Variants in MYOF observed in about 807,000 individuals in gnomAD.
The protein encoded by MYOF is myoferlin.
Under a neutral mutation model 284.2 loss-of-function variants are expected in MYOF, and 244 were observed. The observed-to-expected ratio is 0.86, with a 90% CI of 0.77 to 0.95. The LOEUF is 0.95. Ranked by LOEUF, MYOF falls within the 40% of genes least tolerant of loss-of-function variation. The pLI is 0.00. For missense variants in MYOF, 2,496 were observed against 2,560.6 expected, an observed-to-expected ratio of 0.97 and a Z score of 0.54; for synonymous variants, 904 against 919.7, an observed-to-expected ratio of 0.98 and a Z score of 0.31.
chr10:93,421,583 G>C (rs1848359806), intron 5 of MYOF, among the ~76,000 whole-genome samples: 1 of 152,172 alleles, frequency 6.6e-6, no homozygotes, highest in Non-Finnish European at 1.5e-5. Flanking sequence ...CTCCTGAAAG[G>C]CTTGGTGGCT....
Position 93,407,407 on chromosome 10 carries a change from AAC to A in MYOF, c.729+1378_729+1379del, listed in dbSNP as rs560428273. Among the ~76,000 whole-genome samples, 283 of 119,680 alleles carry A rather than the reference AAC, an allele frequency of 2.4e-3. 4 individuals are homozygous for A. Among genetic ancestry groups the A allele is most frequent in the Non-Finnish European group, 2.2e-3 (130 of 59,688 alleles). 78.5% of individuals were successfully genotyped at this position (119,680 alleles called of 152,430 possible). ...TGCACCACCACACTCCAGCCTTGGCAACAGAGACTCTGTCTCAAAAAAAAAAA... is the reference window on the plus strand; with the variant it reads ...TGCACCACCACACTCCAGCCTTGGCAAGAGACTCTGTCTCAAAAAAAAAAA... On this transcript the variant is annotated intron_variant, in intron 7 of 53. Coordinates refer to ENST00000359263, the MANE Select transcript of MYOF (RefSeq NM_013451.4).
At chr10:93,460,185 T>C (rs1430183919) in intron 1 of MYOF, among the ~76,000 whole-genome samples, 3 of 151,266 alleles carry the variant, frequency 2.0e-5, no homozygotes, top group African/African-American at 7.3e-5. Flanking sequence ...TCCAGGGAGG[T>C]CACAGAAAAA....
chr10:93,312,871 T>C (rs1414873397), intron 51 of MYOF, 149 bp downstream of exon 51: 5 of 803,358 alleles, frequency 6.2e-6, no homozygotes, highest in African/African-American at 1.7e-5. Flanking sequence ...AAGGCAAACA[T>C]ATCCCAAAGA....
intron 19 of MYOF, 86 bp from the exon 20 acceptor site, chr10:93,381,482 C>T (rs1343445542): frequency 3.0e-6 from 4 of 1,347,684 alleles, no homozygotes; most frequent in Non-Finnish European, 4.1e-6. Context: ...CAATTCTACA[C>T]CTAATAATTA....
At chr10:93,323,206 T>C (rs375919172) in intron 47 of MYOF, 33 bp from the exon 48 acceptor site, 14 of 1,613,786 alleles carry the variant, frequency 8.7e-6, no homozygotes, top group African/African-American at 4.0e-5. Flanking sequence ...GTACTTTTTT[T>C]TCTGGTCCTG....
intron 53 of MYOF, among the ~76,000 whole-genome samples, chr10:93,308,913 T>C (rs989913237): frequency 6.6e-6 from 1 of 152,198 alleles, no homozygotes; most frequent in African/African-American, 2.4e-5. Flanking sequence ...GGTTTCGCTA[T>C]GTTGGCCAGG....
chr10:93,355,532 A>G, intron 31 of MYOF, 96 bp downstream of exon 31: 1 of 938,670 alleles, frequency 1.1e-6, no homozygotes, highest in Non-Finnish European at 1.6e-6. Flanking sequence ...GCGAGCCAAG[A>G]TCGTACCACT....
At chr10:93,443,476 G>C (rs28590728) in intron 3 of MYOF, among the ~76,000 whole-genome samples, 1,314 of 56,408 alleles carry the variant, frequency 0.023, 14 homozygotes, top group African/African-American at 0.06. Context: ...CTCTCTCTGT[G>C]TGTGTGTGTG....
At chr10:93,369,110 C>CTGTTT (rs1491460008) in intron 25 of MYOF, among the ~76,000 whole-genome samples, 1 of 78,308 alleles carries the variant, frequency 1.3e-5, no homozygotes, top group Non-Finnish European at 2.1e-5. Flanking sequence ...ATTCAGACAG[C>CTGTTT]TTTTTTTTTT....
At chr10:93,334,045 A>G in intron 41 of MYOF, 132 bp from the exon 42 acceptor site, 1 of 802,672 alleles carries the variant, frequency 1.2e-6, no homozygotes, top group Non-Finnish European at 1.9e-6. Flanking sequence ...GAAATAATGT[A>G]TATTGCACTT....
rs998791991 is a variant in MYOF, at chr10:93,447,573, C to T, written c.236+4477G>A. On this transcript the variant is annotated intron_variant, in intron 3 of 53. Coordinates refer to ENST00000359263, the MANE Select transcript of MYOF (RefSeq NM_013451.4). ...GTAAAAATTGCTTCAGCTAAACTCC[C>T]CCCTTCCCTATTTAGACCACGGTAT... Among the ~76,000 whole-genome samples the T allele has an allele frequency of 2.3e-4, 35 of 152,106 alleles. 1 individual carries two copies. The highest frequency in any genetic ancestry group is 6.3e-4 in the African/African-American group (26 of 41,416).
chr10:93,398,231 C>T (rs891078923), intron 13 of MYOF, among the ~76,000 whole-genome samples: 4 of 152,100 alleles, frequency 2.6e-5, no homozygotes, highest in East Asian at 1.9e-4. Context: ...GCCCTTCCAT[C>T]GCCCTTCTCC....
rs1564619838 is a variant in MYOF, at chr10:93,325,978, G to A, written c.5132-13C>T. On this transcript the variant is annotated splice_polypyrimidine_tract_variant and intron_variant, in intron 45 of 53. Coordinates refer to ENST00000359263, the MANE Select transcript of MYOF (RefSeq NM_013451.4). ...ATTTTGTTGGCTTCTGCAATGGAAAGCAGCATTGAAGCAGGAATGAGTATT... is the reference window on the plus strand; with the variant it reads ...ATTTTGTTGGCTTCTGCAATGGAAAACAGCATTGAAGCAGGAATGAGTATT... 2 of 1,613,944 alleles carry A rather than the reference G, an allele frequency of 1.2e-6. No homozygotes were observed. The highest frequency in any genetic ancestry group is 1.3e-5 in the African/African-American group (1 of 75,030).
chr10:93,322,307 T>C (rs1842875874), intron 48 of MYOF, among the ~76,000 whole-genome samples: 1 of 152,352 alleles, frequency 6.6e-6, no homozygotes, highest in South Asian at 2.1e-4. Flanking sequence ...AACAATACTA[T>C]GTGCCAGGCA....
At chr10:93,312,901 A>T in intron 51 of MYOF, 119 bp downstream of exon 51, 2 of 1,084,294 alleles carry the variant, frequency 1.8e-6, no homozygotes, top group Non-Finnish European at 2.6e-6. Context: ...CCCATAACTT[A>T]AACTCCCACC....
intron 21 of MYOF, 152 bp downstream of exon 21, chr10:93,379,711 G>A: frequency 2.1e-6 from 2 of 969,626 alleles, no homozygotes; most frequent in Non-Finnish European, 2.9e-6. Context: ...ACTAACTTAG[G>A]ACCATCTACC....
At position 93,377,403 on chromosome 10, in the gene MYOF, T is replaced by C; in HGVS notation, c.2028A>G (p.Ser676=). ...RLQTNIEALK[S]GIQGKIPANQ... The stretch of plus-strand genomic sequence containing the variant: ...TTGCAGGAATTTTACCTTGTATCCC[T>C]GATTTTAGAGCTTCTATATTTGTTT... The change falls in exon 22 of 54, where the codon TCA becomes TCG. Residue 676 remains serine (S), a synonymous_variant. Coordinates refer to ENST00000359263, the MANE Select transcript of MYOF (RefSeq NM_013451.4). 2.5e-6 allele frequency: 4 copies of C among 1,613,850 alleles called. No homozygotes were observed. Among genetic ancestry groups the C allele is most frequent in the Non-Finnish European group, 3.4e-6 (4 of 1,179,792 alleles).
chr10:93,426,136 C>T lies in MYOF; in HGVS notation c.368G>A (p.Gly123Asp). 1.3e-6 allele frequency: 2 copies of T among 1,559,988 alleles called. No individual in the cohort carries two copies. The highest frequency in any genetic ancestry group is 1.7e-6 in the Non-Finnish European group (2 of 1,151,032). The change falls in exon 5 of 54, where the codon GGC becomes GAC. Residue 123 changes from glycine (G) to aspartate (D), a missense_variant. Around this residue, in one of 3 missense-constraint regions of MYOF, gnomAD observed 2,436 missense variants for 2,480.7 expected, o/e 0.98. Coordinates refer to ENST00000359263, the MANE Select transcript of MYOF (RefSeq NM_013451.4). The part of the protein sequence containing the change: ...DTGATIDLVI[G>D]YDPPSAPHPN... ...ATGTGGAGCAGAAGGCGGATCATAG[C>T]CGATCACCAAGTCAATGGTGGCCTG...
At chr10:93,390,323 A>G (rs1455599907) in intron 17 of MYOF, among the ~76,000 whole-genome samples, 1 of 152,224 alleles carries the variant, frequency 6.6e-6, no homozygotes, top group Admixed American at 6.5e-5. Flanking sequence ...GAAATCATGG[A>G]CACAGGCAGA....
Sources: gnomAD v4.1 joint callset for allele counts (sites outside exome capture counted in the v4.1 genomes callset) on GRCh38, gnomAD v4.1.1 for gene constraint, gnomAD v4.1.1 regional missense constraint, MANE v1.5 for transcripts, NCBI Gene and HGNC (gene_info 2026-07-23, HGNC 2026-07-21) for gene names.